The following C11orf65 variants were observed in gnomAD, a reference collection of about 807,000 sequenced individuals.
C11orf65 encodes protein MFI.
Under a neutral mutation model 35.3 loss-of-function variants are expected in C11orf65, and 38 were observed. That is an observed-to-expected ratio of 1.08 (90% CI 0.83 to 1.41). C11orf65 has a LOEUF of 1.41. Among genes scored for constraint, C11orf65 ranks in the 40% most tolerant of loss-of-function variants. The pLI, the probability that C11orf65 is intolerant of heterozygous loss-of-function variation, is 0.00. For missense variants in C11orf65, 370 were observed against 367.1 expected (o/e 1.01, Z -0.06); for synonymous variants, 105 against 114.4 (o/e 0.92, Z 0.53).
intron 3 of C11orf65, among the ~76,000 whole-genome samples, chr11:108,421,916 A>G (rs544924221): frequency 6.6e-6 from 1 of 152,232 alleles, no homozygotes; most frequent in South Asian, 2.1e-4. Flanking sequence ...CAGAGTTCCA[A>G]TAAAGTTGAT....
At position 108,315,369 on chromosome 11, in the gene C11orf65, G is replaced by T. The variant is rs143448793; in HGVS notation, c.641-6298C>A. 2.0e-3 allele frequency among the ~76,000 whole-genome samples: 305 copies of T among 152,252 alleles called. 1 individual carries two copies. The highest frequency in any genetic ancestry group is 6.9e-3 in the African/African-American group (286 of 41,544). ...ATAATGCTGTGTACAGTGTGTGTGT[G>T]TAAGTTTTGATAAATTTTAACTCTT... is the stretch of plus-strand genomic sequence containing the variant. On this transcript the variant is annotated intron_variant, in intron 6 of 6. Transcript: ENST00000525729.
At chr11:108,308,868 G>C in exon 7 of C11orf65, 2 of 666,068 alleles carry the variant, frequency 3.0e-6, no homozygotes. Context: ...TTTTATACCA[G>C]ATTATCTTCT....
intron 6 of C11orf65, among the ~76,000 whole-genome samples, chr11:108,397,658 AAC>A (rs528215291): frequency 4.9e-4 from 74 of 152,354 alleles, no homozygotes; most frequent in African/African-American, 1.7e-3. Flanking sequence ...GATTCTCAGC[AAC>A]AGTCAGAATG....
intron 2 of C11orf65, among the ~76,000 whole-genome samples, chr11:108,438,526 G>A (rs1463582835): frequency 2.6e-5 from 4 of 151,336 alleles, no homozygotes; most frequent in Non-Finnish European, 5.9e-5. Context: ...ACTCCAGCTT[G>A]GGCAACAAAG....
chr11:108,310,336 T>C, intron 6 of C11orf65: 1 of 1,608,606 alleles, frequency 6.2e-7, no homozygotes, highest in South Asian at 1.1e-5. Context: ...TTAGAATTTT[T>C]GGTTTTTAAA....
At chr11:108,377,470 G>A (rs967137211) in intron 2 of C11orf65, among the ~76,000 whole-genome samples, 14 of 152,110 alleles carry the variant, frequency 9.2e-5, no homozygotes, top group African/African-American at 3.4e-4. Flanking sequence ...AGGTATTGAT[G>A]GGACGTATCT....
downstream of C11orf65, among the ~76,000 whole-genome samples, chr11:108,379,011 CCTTTTA>C (rs2091802449): frequency 6.6e-6 from 1 of 151,912 alleles, no homozygotes; most frequent in South Asian, 2.1e-4. Flanking sequence ...AAATAGGAAC[CCTTTTA>C]CACTGTTGGT....
chr11:108,461,420 A>G (rs2093471922), intron 2 of C11orf65, 59 bp downstream of exon 2: 6 of 1,339,572 alleles, frequency 4.5e-6, no homozygotes, highest in Non-Finnish European at 6.3e-6. Context: ...ATTGAACTGT[A>G]CACTTTAAAT....
intron 2 of C11orf65, among the ~76,000 whole-genome samples, chr11:108,356,292 T>C (rs185960864): frequency 1.2e-4 from 18 of 152,214 alleles, no homozygotes; most frequent in Admixed American, 2.6e-4. Context: ...TCCCAGCACT[T>C]TGAGAGGCCG....
chr11:108,454,297 GTCT>G lies in C11orf65; in HGVS notation c.81+7179_81+7181del, dbSNP rs1196596824. On this transcript the variant is annotated intron_variant, in intron 2 of 8. Coordinates refer to ENST00000393084, the MANE Select transcript of C11orf65 (RefSeq NM_152587.5). ...TTCATTTCTGATTTTATTTATTTGA[GTCT>G]TCTTTTTTTTTTTTTTTGAGACACT... 4.1e-5 allele frequency among the ~76,000 whole-genome samples: 6 copies of G among 145,750 alleles called. No individual in the cohort carries two copies. In the East Asian group the frequency reaches 9.8e-4, roughly 24 times the overall value.
At chr11:108,456,174 C>T (rs1056261906) in intron 2 of C11orf65, among the ~76,000 whole-genome samples, 12 of 152,148 alleles carry the variant, frequency 7.9e-5, no homozygotes, top group African/African-American at 2.9e-4. Context: ...AATAAATATA[C>T]ACAAATAGAC....
intron 6 of C11orf65, among the ~76,000 whole-genome samples, chr11:108,398,141 G>T (rs1318483791): frequency 2.6e-5 from 4 of 152,142 alleles, no homozygotes; most frequent in Admixed American, 2.0e-4. Context: ...TTTAAGTAAA[G>T]AAATTATTTC....
intron 3 of C11orf65, among the ~76,000 whole-genome samples, chr11:108,430,931 C>G (rs2092980427): frequency 7.8e-6 from 1 of 127,534 alleles, no homozygotes; most frequent in African/African-American, 3.3e-5. Flanking sequence ...CACACACACA[C>G]ACACACACAC....
chr11:108,424,110 A>C (rs937546548), intron 3 of C11orf65, among the ~76,000 whole-genome samples: 3 of 152,202 alleles, frequency 2.0e-5, no homozygotes, highest in African/African-American at 7.2e-5. Flanking sequence ...AACTCCTCCG[A>C]GCTAAAGGAG....
chr11:108,363,051 C>T (rs1021950137), intron 2 of C11orf65, among the ~76,000 whole-genome samples: 7 of 152,154 alleles, frequency 4.6e-5, no homozygotes, highest in Non-Finnish European at 7.4e-5. Flanking sequence ...ATCTTCCCTC[C>T]GTAAATCTGT....
intron 2 of C11orf65, among the ~76,000 whole-genome samples, chr11:108,377,257 C>A (rs1240962395): frequency 1.3e-5 from 2 of 152,096 alleles, no homozygotes; most frequent in Non-Finnish European, 2.9e-5. Context: ...CTGAATCCAG[C>A]AGCACATCAA....
chr11:108,362,800 G>T (rs1303468808), intron 2 of C11orf65, among the ~76,000 whole-genome samples: 2 of 127,140 alleles, frequency 1.6e-5, no homozygotes, highest in Admixed American at 8.5e-5. Context: ...GGACTGTGGT[G>T]GGGTGGGGGG....
At chr11:108,455,237 C>G (rs2079332691) in intron 2 of C11orf65, among the ~76,000 whole-genome samples, 1 of 152,132 alleles carries the variant, frequency 6.6e-6, no homozygotes, top group Admixed American at 6.6e-5. Context: ...CACTGGAAGT[C>G]TCAGCCAGAG....
At chr11:108,459,769 A>ACACACC (rs981643793) in intron 2 of C11orf65, among the ~76,000 whole-genome samples, 14 of 137,546 alleles carry the variant, frequency 1.0e-4, no homozygotes, top group African/African-American at 2.4e-4. Context: ...ACACACACAC[A>ACACACC]CCTCTTTATT....
Sources: gnomAD v4.1 joint callset for allele counts (sites outside exome capture counted in the v4.1 genomes callset) on GRCh38, gnomAD v4.1.1 for gene constraint, MANE v1.5 for transcripts, NCBI Gene and HGNC (gene_info 2026-07-23, HGNC 2026-07-21) for gene names.